Variants in UBXN2A observed in about 807,000 individuals in gnomAD.
The protein encoded by UBXN2A is UBX domain protein 2A.
A neutral mutation model predicts 28.4 loss-of-function variants in UBXN2A; 28 were observed. The ratio of observed to expected loss-of-function variants is 0.99; its 90% CI spans 0.73 to 1.35. The LOEUF is 1.35. UBXN2A is among the 40% of genes most tolerant of loss of function. The pLI, the probability that UBXN2A is intolerant of heterozygous loss-of-function variation, is 0.00. For synonymous variants in UBXN2A, 97 were observed against 103.6 expected (o/e 0.94, Z 0.39); for missense variants, 253 against 297.9 (o/e 0.85, Z 1.11).
chr2:23,973,645 T>A (rs1414938781), intron 3 of UBXN2A, among the ~76,000 whole-genome samples: 1 of 151,672 alleles, frequency 6.6e-6, no homozygotes, highest in Non-Finnish European at 1.5e-5. Context: ...CAGCCTTTTT[T>A]TTTTTTTGAG....
Position 23,999,657 on chromosome 2 carries a change from T to A in UBXN2A, c.585-15T>A, listed in dbSNP as rs371607233. ...TTTTCCTAAAATTATATTAATAGTT[T>A]TTGCTGTTTTACAGAGTAAGCCATA... is the stretch of plus-strand genomic sequence containing the variant. On this transcript the variant is annotated splice_polypyrimidine_tract_variant and intron_variant, in intron 6 of 6. Transcript: ENST00000309033. 1.4e-5 allele frequency: 22 copies of A among 1,588,688 alleles called. No individual in the cohort carries two copies. The highest frequency in any genetic ancestry group is 1.1e-4 in the East Asian group (5 of 44,804).
At chr2:23,940,874 G>A (rs1705720493) in intron 1 of UBXN2A, among the ~76,000 whole-genome samples, 1 of 69,036 alleles carries the variant, frequency 1.4e-5, no homozygotes, top group South Asian at 7.0e-4. Flanking sequence ...GCGACCCCGA[G>A]CCCCTGACTC....
At chr2:23,983,558 G>C (rs1429185188) in intron 5 of UBXN2A, among the ~76,000 whole-genome samples, 1 of 152,002 alleles carries the variant, frequency 6.6e-6, no homozygotes, top group Non-Finnish European at 1.5e-5. Flanking sequence ...AGGCTTTTTT[G>C]TTTTTCTTTT....
intron 2 of UBXN2A, among the ~76,000 whole-genome samples, chr2:23,960,962 C>T (rs1706876769): frequency 6.6e-6 from 1 of 151,458 alleles, no homozygotes; most frequent in Non-Finnish European, 1.5e-5. Flanking sequence ...ACAGATTTAC[C>T]TGTTCTGGAC....
chr2:23,969,077 G>A (rs1707298777), intron 2 of UBXN2A: 1 of 151,580 alleles, frequency 6.6e-6, no homozygotes, highest in South Asian at 2.1e-4. Flanking sequence ...ATTTTTAGTA[G>A]AGACGAGGTT....
At chr2:23,945,906 C>T (rs1706054213) in intron 1 of UBXN2A, among the ~76,000 whole-genome samples, 1 of 151,390 alleles carries the variant, frequency 6.6e-6, no homozygotes, top group Non-Finnish European at 1.5e-5. Flanking sequence ...TCTCAGCTCA[C>T]TGCAACCTCT....
At chr2:23,949,806 C>T (rs1024870938) in intron 1 of UBXN2A, among the ~76,000 whole-genome samples, 3 of 150,480 alleles carry the variant, frequency 2.0e-5, no homozygotes, top group South Asian at 4.2e-4. Context: ...ACCTAGGAGG[C>T]GGAGGTTGCA....
intron 6 of UBXN2A, among the ~76,000 whole-genome samples, chr2:23,992,944 T>G (rs1708405044): frequency 6.6e-6 from 1 of 152,174 alleles, no homozygotes; most frequent in Non-Finnish European, 1.5e-5. Flanking sequence ...TTTTGTGGGG[T>G]TTTTTCCTCC....
chr2:23,974,285 A>T (rs1347098239), intron 3 of UBXN2A, among the ~76,000 whole-genome samples: 1 of 141,202 alleles, frequency 7.1e-6, no homozygotes, highest in Non-Finnish European at 1.5e-5. Flanking sequence ...CCAAAGTGCT[A>T]GGATTACAGA....
chr2:23,961,563 T>TTTTG (rs869224645), intron 2 of UBXN2A, among the ~76,000 whole-genome samples: 20 of 120,534 alleles, frequency 1.7e-4, no homozygotes, highest in East Asian at 2.2e-4. Context: ...TTTTTTTTTT[T>TTTTG]GGTGAGATGA....
At chr2:23,952,963 GTTGT>G (rs1457333058) in intron 1 of UBXN2A, among the ~76,000 whole-genome samples, 1 of 35,632 alleles carries the variant, frequency 2.8e-5, no homozygotes, top group Non-Finnish European at 5.1e-5. Flanking sequence ...GAAGCTCTTA[GTTGT>G]TTTTTTTTTT....
At chr2:23,929,124 C>G (rs1175409960) in intron 1 of UBXN2A, among the ~76,000 whole-genome samples, 2 of 151,858 alleles carry the variant, frequency 1.3e-5, no homozygotes, top group Non-Finnish European at 2.9e-5. Flanking sequence ...CCTCTCCCTG[C>G]CAAAAAGAAA....
At chr2:23,955,380 C>T (rs1051921348) in intron 1 of UBXN2A, among the ~76,000 whole-genome samples, 2 of 152,158 alleles carry the variant, frequency 1.3e-5, no homozygotes, top group African/African-American at 4.8e-5. Context: ...GGGACAGGTG[C>T]CTGGACCTAC....
chr2:23,957,768 A>C (rs934274672), intron 1 of UBXN2A, among the ~76,000 whole-genome samples: 1 of 152,138 alleles, frequency 6.6e-6, no homozygotes, highest in African/African-American at 2.4e-5. Flanking sequence ...CGGGAGATGG[A>C]GGTTGTGGTG....
chr2:23,980,916 C>T (rs554458001), intron 4 of UBXN2A, among the ~76,000 whole-genome samples: 185 of 152,180 alleles, frequency 1.2e-3, no homozygotes, highest in African/African-American at 3.9e-3. Context: ...CATGAGCCAC[C>T]GTGCTCAGCC....
intron 4 of UBXN2A, among the ~76,000 whole-genome samples, chr2:23,982,088 G>A (rs186768929): frequency 2.6e-5 from 4 of 152,014 alleles, no homozygotes; most frequent in African/African-American, 7.2e-5. Flanking sequence ...TTCCAGGCAC[G>A]GTGGCTCACA....
In UBXN2A at chr2:24,001,307, A is replaced by G. The variant is rs1708720806; in HGVS notation, c.*1440A>G. On this transcript the variant is annotated 3_prime_UTR_variant, in exon 7 of 7. Coordinates refer to ENST00000309033, the MANE Select transcript of UBXN2A (RefSeq NM_181713.4). Reference sequence around the variant, plus strand: ...GCCCAGCTGGTTTTCTGTTTCATACATCAGAGTCAACTTGTGAATACATTT... The same window carrying G: ...GCCCAGCTGGTTTTCTGTTTCATACGTCAGAGTCAACTTGTGAATACATTT... 6.6e-6 allele frequency: 1 copy of G among 152,200 alleles called. No individual in the cohort carries two copies. The highest frequency in any genetic ancestry group is 2.4e-5 in the African/African-American group (1 of 41,470). The allele number at this position is 152,200 out of a possible 1,614,324, so 9.4% of individuals were successfully genotyped here.
chr2:23,991,283 GATTA>G (rs1351055990), intron 6 of UBXN2A, among the ~76,000 whole-genome samples: 1 of 151,920 alleles, frequency 6.6e-6, no homozygotes, highest in African/African-American at 2.4e-5. Flanking sequence ...GTGTTTTTCT[GATTA>G]ATTGACTTTG....
At chr2:23,974,247 G>T (rs1247573552) in intron 3 of UBXN2A, among the ~76,000 whole-genome samples, 1 of 149,826 alleles carries the variant, frequency 6.7e-6, no homozygotes, top group Non-Finnish European at 1.5e-5. Context: ...TTGATCTCCT[G>T]ACCTCGTGAT....
Sources: gnomAD v4.1 joint callset for allele counts (sites outside exome capture counted in the v4.1 genomes callset) on GRCh38, gnomAD v4.1.1 for gene constraint, MANE v1.5 for transcripts, NCBI Gene and HGNC (gene_info 2026-07-23, HGNC 2026-07-21) for gene names.